The following MIPEP variants were observed in gnomAD, a reference collection of about 807,000 sequenced individuals.
MIPEP encodes the protein mitochondrial intermediate peptidase.
Under a neutral mutation model 90.3 loss-of-function variants are expected in MIPEP, and 79 were observed. That is an observed-to-expected ratio of 0.87 (90% CI 0.73 to 1.05). MIPEP has a LOEUF of 1.05. MIPEP is among the 50% of genes least tolerant of loss of function. MIPEP has a pLI of 0.00. For missense variants in MIPEP, 940 were observed against 905.6 expected (o/e 1.04, Z -0.49); for synonymous variants, 334 against 315.8 (o/e 1.06, Z -0.61).
At position 23,756,598 on chromosome 13, in the gene MIPEP, C is replaced by T. The variant is rs746768958; in HGVS notation, c.1991G>A (p.Arg664His). Residue 664 changes from arginine to histidine, a missense_variant, in exon 18 of 19, where the codon CGC becomes CAC. Transcript: ENST00000382172. ...TCCACCGTGGGCCAGCATCTCCCTG[C>T]GATAGCGCTCCCCGGCAGCCCTGGG... Reference protein sequence around the residue: ...PFNRAAGERYRREMLAHGGGR... With the variant: ...PFNRAAGERYHREMLAHGGGR... 2.4e-5 allele frequency: 39 copies of T among 1,613,448 alleles called. 1 individual carries two copies. The highest frequency in any genetic ancestry group is 8.8e-5 in the South Asian group (8 of 91,086).
At position 23,836,243 on chromosome 13, in the gene MIPEP, TC is replaced by T; in HGVS notation, c.1649del (p.Gly550AspfsTer43). ...VNQFARHYQT[G>X]QPLPKNMVSR... The stretch of plus-strand genomic sequence containing the variant: ...ACGACAATATTACTGTTCCTACCTG[TC>T]CAGTCTGATAATGTCTGGCAAATTG... On this transcript the variant is annotated frameshift_variant, in exon 14 of 19. Transcript: ENST00000382172. LOFTEE classifies it high-confidence loss of function. 1 of 1,584,138 alleles carries T rather than the reference TC, an allele frequency of 6.3e-7. No homozygotes were observed. The highest frequency in any genetic ancestry group is 8.6e-7 in the Non-Finnish European group (1 of 1,161,708).
chr13:23,870,375 C>T (rs1007255964), intron 5 of MIPEP, among the ~76,000 whole-genome samples, 180 bp from the exon 6 acceptor site: 78 of 139,592 alleles, frequency 5.6e-4, no homozygotes, highest in African/African-American at 2.5e-3. Context: ...ATTAATTTTA[C>T]TTTTAACAGA....
intron 18 of MIPEP, among the ~76,000 whole-genome samples, chr13:23,746,381 C>A (rs1952383817): frequency 6.6e-6 from 1 of 151,844 alleles, no homozygotes; most frequent in Non-Finnish European, 1.5e-5. Context: ...CGCCTGTAAT[C>A]TCAGCACTTT....
At chr13:23,879,929 TGCTGGGCAGTGGTCCCAACCCACCCC>T (rs1871210957) in intron 3 of MIPEP, among the ~76,000 whole-genome samples, 1 of 152,128 alleles carries the variant, frequency 6.6e-6, no homozygotes. Context: ...AAGGGCCCAA[TGCTGGGCAGTGGTCCCAACCCACCCC>T]ATAGTACCAC....
chr13:23,852,954 G>A (rs2137484476), intron 10 of MIPEP, among the ~76,000 whole-genome samples: 1 of 151,676 alleles, frequency 6.6e-6, no homozygotes, highest in African/African-American at 2.4e-5. Flanking sequence ...AATTTAAAAA[G>A]TACAAAAAAA....
At chr13:23,734,103 A>G (rs1952234033) in intron 18 of MIPEP, among the ~76,000 whole-genome samples, 1 of 152,346 alleles carries the variant, frequency 6.6e-6, no homozygotes, top group Non-Finnish European at 1.5e-5. Context: ...CCTATGTGCC[A>G]GGTTTCTTGA....
intron 16 of MIPEP, among the ~76,000 whole-genome samples, chr13:23,787,648 C>A (rs1428980695): frequency 2.0e-5 from 3 of 152,178 alleles, no homozygotes; most frequent in Non-Finnish European, 4.4e-5. Context: ...TACCACGGCA[C>A]TTCCAGGGAG....
intron 2 of MIPEP, among the ~76,000 whole-genome samples, chr13:23,882,155 C>T (rs753244238): frequency 1.3e-5 from 2 of 151,352 alleles, no homozygotes; most frequent in South Asian, 2.1e-4. Flanking sequence ...CTGCAAGCTC[C>T]GCCTCTCGGG....
At chr13:23,804,375 G>A (rs1049474215) in intron 16 of MIPEP, among the ~76,000 whole-genome samples, 2 of 152,054 alleles carry the variant, frequency 1.3e-5, no homozygotes, top group African/African-American at 2.4e-5. Context: ...TATAAGATGA[G>A]AACAAAAACA....
intron 9 of MIPEP, among the ~76,000 whole-genome samples, chr13:23,859,460 T>C (rs1159611095): frequency 6.6e-6 from 1 of 152,214 alleles, no homozygotes; most frequent in East Asian, 1.9e-4. Context: ...TGGCACATAA[T>C]ACTGAAAGAA....
At chr13:23,767,908 A>G (rs1032983591) in intron 16 of MIPEP, among the ~76,000 whole-genome samples, 4 of 152,114 alleles carry the variant, frequency 2.6e-5, no homozygotes, top group Non-Finnish European at 5.9e-5. Flanking sequence ...ACAGAATAAT[A>G]CCCTTTTCTT....
chr13:23,742,333 ATT>A (rs1186798737), intron 18 of MIPEP, among the ~76,000 whole-genome samples: 9 of 152,220 alleles, frequency 5.9e-5, no homozygotes, highest in Non-Finnish European at 1.0e-4. Flanking sequence ...TTAGTAAGAG[ATT>A]ACCCTGGGTT....
At chr13:23,792,276 G>A (rs1375590748) in intron 16 of MIPEP, among the ~76,000 whole-genome samples, 2 of 152,198 alleles carry the variant, frequency 1.3e-5, no homozygotes, top group African/African-American at 4.8e-5. Flanking sequence ...CTCTGAACTT[G>A]TACATCCAAC....
chr13:23,804,169 G>A (rs1953079718), intron 16 of MIPEP, among the ~76,000 whole-genome samples: 1 of 152,154 alleles, frequency 6.6e-6, no homozygotes, highest in Non-Finnish European at 1.5e-5. Context: ...AATCTGGATG[G>A]TAAGGAAGTT....
intron 16 of MIPEP, among the ~76,000 whole-genome samples, chr13:23,802,907 T>C (rs1953061090): frequency 6.6e-6 from 1 of 152,176 alleles, no homozygotes; most frequent in Non-Finnish European, 1.5e-5. Flanking sequence ...TCTGAGCACA[T>C]TTAAGGTAGG....
intron 18 of MIPEP, among the ~76,000 whole-genome samples, chr13:23,734,992 A>C (rs1435608350): frequency 6.6e-6 from 1 of 152,224 alleles, no homozygotes; most frequent in Non-Finnish European, 1.5e-5. Flanking sequence ...GTCCACCCAA[A>C]CATGGCGATT....
chr13:23,833,689 T>A (rs534715892), intron 14 of MIPEP, among the ~76,000 whole-genome samples: 4 of 152,118 alleles, frequency 2.6e-5, no homozygotes, highest in African/African-American at 4.8e-5. Flanking sequence ...TTAAAAAAAA[T>A]TGACATTTGT....
At chr13:23,757,080 T>C (rs762385805) in intron 17 of MIPEP, among the ~76,000 whole-genome samples, 2 of 152,172 alleles carry the variant, frequency 1.3e-5, no homozygotes, top group Non-Finnish European at 2.9e-5. Context: ...GAAATGATTA[T>C]ACAACTCACC....
intron 14 of MIPEP, among the ~76,000 whole-genome samples, chr13:23,817,643 A>T (rs192759838): frequency 6.6e-6 from 1 of 152,282 alleles, no homozygotes; most frequent in African/African-American, 2.4e-5. Flanking sequence ...TAAAATTCCG[A>T]TACCTGCATC....
Sources: allele counts gnomAD v4.1 joint callset (sites outside exome capture counted in the v4.1 genomes callset), GRCh38; gene constraint gnomAD v4.1.1; transcripts MANE v1.5; gene names NCBI Gene and HGNC (gene_info 2026-07-23, HGNC 2026-07-21).